Variants in RBM20 observed in about 807,000 individuals in gnomAD.
The protein encoded by RBM20 is RNA binding motif protein 20.
RBM20 carries 51 observed loss-of-function variants against 110.1 expected under a neutral mutation model. The observed-to-expected ratio is 0.46, with a 90% CI of 0.37 to 0.59. The LOEUF (loss-of-function observed/expected upper bound fraction) is 0.59. Ranked by LOEUF, RBM20 falls within the 20% of genes least tolerant of loss-of-function variation. The pLI is 0.00. For synonymous variants in RBM20, 589 were observed against 618.2 expected, an observed-to-expected ratio of 0.95 and a Z score of 0.70; for missense variants, 1,512 against 1,574.9, an observed-to-expected ratio of 0.96 and a Z score of 0.68.
chr10:110,646,342 C>G (rs1478767682), intron 1 of RBM20, among the ~76,000 whole-genome samples: 1 of 152,058 alleles, frequency 6.6e-6, no homozygotes, highest in Non-Finnish European at 1.5e-5. Context: ...TTTTATTTGC[C>G]TCACATAATA....
In RBM20 at chr10:110,831,131, G is replaced by C; in HGVS notation, c.3522G>C (p.Glu1174Asp). Residue 1174 changes from glutamate (E) to aspartate (D), a missense_variant, in exon 13 of 14, where the codon GAG (glutamate) becomes GAC (aspartate). Glu to Asp is a conservative substitution (Grantham distance 45). Coordinates refer to ENST00000369519, the MANE Select transcript of RBM20 (RefSeq NM_001134363.3). ...KLCGLFYTSE[E>D]TAKMSHCRSA... ...GTGGGCTGTTCTACACGAGCGAGGA[G>C]ACAGCAAAGATGAGCCACTGCCGCA... 1 of 1,551,638 alleles carries C rather than the reference G, an allele frequency of 6.4e-7. No individual in the cohort carries two copies. Among genetic ancestry groups the C allele is most frequent in the Non-Finnish European group, 8.7e-7 (1 of 1,146,950 alleles).
At chr10:110,753,769 C>G (rs1326545432) in intron 1 of RBM20, among the ~76,000 whole-genome samples, 1 of 152,256 alleles carries the variant, frequency 6.6e-6, no homozygotes, top group Non-Finnish European at 1.5e-5. Flanking sequence ...TGCGCTCCAT[C>G]TGCAGGTTCT....
chr10:110,792,164 T>TATC (rs941597211), intron 5 of RBM20, among the ~76,000 whole-genome samples: 6 of 151,928 alleles, frequency 3.9e-5, no homozygotes, highest in African/African-American at 1.5e-4. Context: ...TCTATCTATC[T>TATC]ATCTATCTAT....
intron 1 of RBM20, among the ~76,000 whole-genome samples, chr10:110,778,478 C>T (rs1384453306): frequency 1.3e-5 from 2 of 152,180 alleles, no homozygotes; most frequent in Non-Finnish European, 2.9e-5. Context: ...AGCTAGCTCC[C>T]AGCCTCTCTC....
At chr10:110,662,692 T>A (rs1000513809) in intron 1 of RBM20, among the ~76,000 whole-genome samples, 1 of 152,208 alleles carries the variant, frequency 6.6e-6, no homozygotes, top group Non-Finnish European at 1.5e-5. Flanking sequence ...CAAAAATTTT[T>A]TAAAAGACAT....
chr10:110,823,431 C>CTTTTTTTTTTTTTTTTT (rs201149204), intron 11 of RBM20, 49 bp from the exon 12 acceptor site: 2 of 1,110,664 alleles, frequency 1.8e-6, no homozygotes, highest in African/African-American at 2.1e-5. Context: ...TGTTGTATTT[C>CTTTTTTTTTTTTTTTTT]TTTTTTTTTT....
rs556834370 is a variant in RBM20, at chr10:110,666,363, C to T, written c.191+21718C>T. On this transcript the variant is annotated intron_variant, in intron 1 of 13. Coordinates refer to ENST00000369519, the MANE Select transcript of RBM20 (RefSeq NM_001134363.3). Reference sequence around the variant, plus strand: ...ACCCTTCTTAAAAATCACCTGGGGGCTGGGTGCAGTGGCTCATGCCTGTAA... The same window carrying T: ...ACCCTTCTTAAAAATCACCTGGGGGTTGGGTGCAGTGGCTCATGCCTGTAA... Among the ~76,000 whole-genome samples the T allele has an allele frequency of 9.9e-5, 15 of 152,238 alleles. No homozygotes were observed. The South Asian group carries it at 2.7e-3, about 27-fold the overall frequency.
At chr10:110,706,388 A>G (rs1862839499) in intron 1 of RBM20, among the ~76,000 whole-genome samples, 1 of 152,248 alleles carries the variant, frequency 6.6e-6, no homozygotes, top group Non-Finnish European at 1.5e-5. Context: ...GGAATGGGCA[A>G]TATCTGTGTG....
chr10:110,681,892 T>TG (rs1554889306), intron 1 of RBM20, among the ~76,000 whole-genome samples: 2,687 of 152,000 alleles, frequency 0.018, 84 homozygotes, highest in African/African-American at 0.061. Context: ...TGCTTTTTTT[T>TG]TTGTTGTTGT....
intron 1 of RBM20, among the ~76,000 whole-genome samples, chr10:110,697,438 A>G (rs1004234600): frequency 2.6e-5 from 4 of 152,164 alleles, no homozygotes; most frequent in Non-Finnish European, 5.9e-5. Flanking sequence ...GTGCTTAGTA[A>G]TTTCCTTGGT....
chr10:110,746,841 G>A (rs566148846), intron 1 of RBM20, among the ~76,000 whole-genome samples: 129 of 152,262 alleles, frequency 8.5e-4, no homozygotes, highest in African/African-American at 3.1e-3. Flanking sequence ...GAAAAATATC[G>A]TTTGTAATAA....
intron 1 of RBM20, among the ~76,000 whole-genome samples, chr10:110,774,953 C>G (rs1438568193): frequency 7.2e-5 from 11 of 152,104 alleles, no homozygotes; most frequent in Non-Finnish European, 1.6e-4. Context: ...GAAATTCCCA[C>G]CAAAATACCA....
At chr10:110,807,429 G>A (rs1380847771) in intron 7 of RBM20, among the ~76,000 whole-genome samples, 2 of 152,242 alleles carry the variant, frequency 1.3e-5, no homozygotes, top group African/African-American at 2.4e-5. Context: ...GGCCACTAGA[G>A]GATGTTTTCA....
chr10:110,705,696 T>C (rs1862826946), intron 1 of RBM20, among the ~76,000 whole-genome samples: 1 of 152,240 alleles, frequency 6.6e-6, no homozygotes. Context: ...TATATATTAA[T>C]CTCAACAGTG....
chr10:110,824,336 C>G (rs1844955462), intron 12 of RBM20, among the ~76,000 whole-genome samples: 1 of 152,176 alleles, frequency 6.6e-6, no homozygotes, highest in African/African-American at 2.4e-5. Context: ...CTTCCCAGAA[C>G]AATGCTACAT....
In RBM20 at chr10:110,646,411, A is replaced by T. The variant is rs568637424; in HGVS notation, c.191+1766A>T. Among the ~76,000 whole-genome samples, 18 of 152,318 alleles carry T rather than the reference A, an allele frequency of 1.2e-4. 1 individual carries two copies. The South Asian group carries it at 3.5e-3, about 30-fold the overall frequency. On this transcript the variant is annotated intron_variant, in intron 1 of 13. Transcript: ENST00000369519. Reference sequence around the variant, plus strand: ...GAAAATCCCATCTTTGGAATATCTAATTTTAAAAGAAAAGACTCAGCTTTT... The same window carrying T: ...GAAAATCCCATCTTTGGAATATCTATTTTTAAAAGAAAAGACTCAGCTTTT...
intron 1 of RBM20, among the ~76,000 whole-genome samples, chr10:110,752,946 T>TATATATATATATA (rs372172985): frequency 5.5e-4 from 34 of 62,276 alleles, no homozygotes; most frequent in African/African-American, 1.5e-3. Flanking sequence ...TATATATATA[T>TATATATATATATA]TTTTTTTTTT....
intron 1 of RBM20, among the ~76,000 whole-genome samples, chr10:110,685,348 G>A (rs868500112): frequency 1.3e-5 from 2 of 152,096 alleles, no homozygotes; most frequent in Non-Finnish European, 2.9e-5. Context: ...ATCTATTTTC[G>A]ACTTGGAGAC....
chr10:110,745,540 G>A (rs1208413571), intron 1 of RBM20, among the ~76,000 whole-genome samples: 1 of 151,332 alleles, frequency 6.6e-6, no homozygotes, highest in Non-Finnish European at 1.5e-5. Context: ...GGGATTTGGA[G>A]TGGTTTCTCT....
Sources: allele counts gnomAD v4.1 joint callset (sites outside exome capture counted in the v4.1 genomes callset), GRCh38; gene constraint gnomAD v4.1.1; transcripts MANE v1.5; gene names NCBI Gene and HGNC (gene_info 2026-07-23, HGNC 2026-07-21).